The following PCDHGA4 variants were observed in gnomAD, a reference collection of about 807,000 sequenced individuals.
PCDHGA4 encodes the protein protocadherin gamma subfamily A, 4.
A neutral mutation model predicts 54.6 loss-of-function variants in PCDHGA4; 38 were observed. The ratio of observed to expected loss-of-function variants is 0.70; its 90% CI spans 0.54 to 0.91. The LOEUF is 0.91. PCDHGA4 is among the 40% of genes least tolerant of loss of function. The pLI is 0.00. For synonymous variants in PCDHGA4, 511 were observed against 512.9 expected (o/e 1.00, Z 0.05); for missense variants, 1,298 against 1,220.9 (o/e 1.06, Z -0.94).
rs1760114897 is a variant in PCDHGA4, at chr5:141,356,122, G to T, written c.1015G>T (p.Asp339Tyr). 2 of 1,613,886 alleles carry T rather than the reference G, an allele frequency of 1.2e-6. No homozygotes were observed. The highest frequency in any genetic ancestry group is 1.7e-6 in the Non-Finnish European group (2 of 1,179,866). The change falls in exon 1 of 4, where the codon GAT becomes TAT. Residue 339 changes from aspartate (D) to tyrosine (Y), a missense_variant. By Grantham distance (160) the Asp-to-Tyr change is radical (BLOSUM62 -3). Coordinates refer to ENST00000571252, the MANE Select transcript of PCDHGA4 (RefSeq NM_018917.4). Reference protein sequence around the residue: ...SGDITILGGLDYEDSGFYDID... With the variant: ...SGDITILGGLYYEDSGFYDID... ...GGATATAACAATATTGGGGGGTCTA[G>T]ATTATGAGGACTCTGGATTCTATGA...
At chr5:141,468,409 A>G (rs183146641) in intron 1 of PCDHGA4, 1 of 152,230 alleles carries the variant, frequency 6.6e-6, no homozygotes, top group East Asian at 1.9e-4. Flanking sequence ...AACTAATAAT[A>G]AGTTAGATAG....
At chr5:141,463,900 C>G (rs879243077) in intron 1 of PCDHGA4, among the ~76,000 whole-genome samples, 4 of 152,168 alleles carry the variant, frequency 2.6e-5, no homozygotes, top group Admixed American at 2.6e-4. Context: ...GCTTTTTGTA[C>G]TAATAATATA....
At chr5:141,465,141 A>AT (rs1341872532) in intron 1 of PCDHGA4, among the ~76,000 whole-genome samples, 2 of 151,678 alleles carry the variant, frequency 1.3e-5, no homozygotes, top group Non-Finnish European at 2.9e-5. Flanking sequence ...AGTTTAGGGG[A>AT]TATATGAAGG....
At chr5:141,376,195 C>T (rs1312737468) in intron 1 of PCDHGA4, 3 of 1,614,172 alleles carry the variant, frequency 1.9e-6, no homozygotes, top group Admixed American at 1.7e-5. Flanking sequence ...CCTGCGTCTT[C>T]CTGGCCTTCG....
intron 2 of PCDHGA4, among the ~76,000 whole-genome samples, chr5:141,495,685 T>TA (rs758775501): frequency 1.3e-5 from 2 of 152,210 alleles, no homozygotes; most frequent in African/African-American, 2.4e-5. Context: ...TGCCATGGCA[T>TA]AAGTGCTCAA....
chr5:141,410,450 T>G, intron 1 of PCDHGA4: 1 of 1,614,052 alleles, frequency 6.2e-7, no homozygotes, highest in Non-Finnish European at 8.5e-7. Flanking sequence ...GACTTTGCCT[T>G]ATTCTTATAA....
At chr5:141,454,811 T>TTTTTA (rs1284435092) in intron 1 of PCDHGA4, among the ~76,000 whole-genome samples, 4 of 125,862 alleles carry the variant, frequency 3.2e-5, no homozygotes, top group African/African-American at 1.3e-4. Context: ...TTTTTTTTTT[T>TTTTTA]TTTTTTTTTT....
At chr5:141,480,982 C>T (rs1258067957) in intron 1 of PCDHGA4, among the ~76,000 whole-genome samples, 1 of 152,150 alleles carries the variant, frequency 6.6e-6, no homozygotes, top group African/African-American at 2.4e-5. Context: ...TCAGTGAACC[C>T]AGGATGTGGA....
rs757565497 is a variant in PCDHGA4 at position 141,370,731 on chromosome 5, C to A, written c.2514+13110C>A. 4 of 1,613,798 alleles carry A rather than the reference C, an allele frequency of 2.5e-6. No homozygotes were observed. The South Asian group carries it at 3.3e-5, about 13-fold the overall frequency. ...GGAATTTGAAATGGTTGCTGAAAAG[C>A]CTTTAAACTTTTTTCATGTAACTGT... On this transcript the variant is annotated intron_variant, in intron 1 of 3. Coordinates refer to ENST00000571252, the MANE Select transcript of PCDHGA4 (RefSeq NM_018917.4).
rs770596172 is a variant in PCDHGA4, at chr5:141,487,664, G to A, written c.2515-7143G>A. ...AATGCTTGAGGGTTATTCTGATCCA[G>A]GCATATGGCTAGGCCATGTCCTAGA... On this transcript the variant is annotated intron_variant, in intron 1 of 3. Transcript: ENST00000571252. The surrounding 1 kb of genome is among the most constrained non-coding windows in gnomAD (Gnocchi z 5.0). 1.9e-5 allele frequency: 31 copies of A among 1,613,048 alleles called. No individual in the cohort carries two copies. The South Asian group carries it at 3.4e-4, about 18-fold the overall frequency.
chr5:141,510,895 CTGT>C, intron 3 of PCDHGA4, 49 bp from the exon 4 acceptor site: 1 of 1,612,988 alleles, frequency 6.2e-7, no homozygotes, highest in Non-Finnish European at 8.5e-7. Flanking sequence ...AAGACAGTGA[CTGT>C]TGAGGACCCT....
intron 1 of PCDHGA4, chr5:141,433,149 C>A (rs758972664): frequency 1.2e-6 from 2 of 1,613,856 alleles, no homozygotes; most frequent in Non-Finnish European, 1.7e-6. Context: ...TCAGGTGATT[C>A]GGTATTTTCT....
chr5:141,386,602 T>C (rs2090639414), intron 1 of PCDHGA4, among the ~76,000 whole-genome samples: 1 of 152,182 alleles, frequency 6.6e-6, no homozygotes, highest in African/African-American at 2.4e-5. Flanking sequence ...TACATTTTTT[T>C]TTTTTGACAT....
At chr5:141,390,447 G>C (rs941574561) in intron 1 of PCDHGA4, 12 of 843,730 alleles carry the variant, frequency 1.4e-5, no homozygotes, top group Admixed American at 2.9e-5. Flanking sequence ...TACAAAGGAG[G>C]AGTAAAGTAG....
intron 1 of PCDHGA4, among the ~76,000 whole-genome samples, chr5:141,456,303 G>A (rs941370138): frequency 6.6e-6 from 1 of 152,156 alleles, no homozygotes; most frequent in Non-Finnish European, 1.5e-5. Flanking sequence ...ATGGAGAACA[G>A]CAGCTAGGGC....
intron 1 of PCDHGA4, chr5:141,364,424 C>A (rs1029173533): frequency 5.0e-6 from 8 of 1,613,572 alleles, no homozygotes; most frequent in South Asian, 1.1e-5. Context: ...CGGGCAGATC[C>A]GCTACTCGAT....
In PCDHGA4 at chr5:141,357,471, C is replaced by G; in HGVS notation, c.2364C>G (p.Val788=). 2 of 1,614,206 alleles carry G rather than the reference C, an allele frequency of 1.2e-6. No individual in the cohort carries two copies. Among genetic ancestry groups the G allele is most frequent in the East Asian group, 2.2e-5 (1 of 44,872 alleles). The change falls in exon 1 of 4, where the codon GTC becomes GTG. Residue 788 remains valine (V), a synonymous_variant. Coordinates refer to ENST00000571252, the MANE Select transcript of PCDHGA4 (RefSeq NM_018917.4). ...RAFLQTYSHE[V]SLTADSRKSH... is the part of the protein sequence containing the mutation. ...TCCTGCAGACCTATTCCCACGAGGTCTCCCTCACCGCGGACTCGCGGAAGA... is the reference window on the plus strand; with the variant it reads ...TCCTGCAGACCTATTCCCACGAGGTGTCCCTCACCGCGGACTCGCGGAAGA...
intron 1 of PCDHGA4, chr5:141,376,828 A>T (rs986272669): frequency 7.4e-6 from 2 of 269,538 alleles, no homozygotes; most frequent in African/African-American, 4.6e-5. Context: ...CTGGGACTAC[A>T]GGCGCCCGCC....
chr5:141,399,194 C>A (rs770516092), intron 1 of PCDHGA4: 24 of 1,613,720 alleles, frequency 1.5e-5, no homozygotes, highest in Non-Finnish European at 1.5e-5. Context: ...CTGGAAAACG[C>A]GGTGCCTGGA....
Sources: allele counts gnomAD v4.1 joint callset (sites outside exome capture counted in the v4.1 genomes callset), GRCh38; gene constraint gnomAD v4.1.1; non-coding constraint Gnocchi (gnomAD v3.1); transcripts MANE v1.5; gene names NCBI Gene and HGNC (gene_info 2026-07-23, HGNC 2026-07-21).